Variants in CATSPERD observed in about 807,000 individuals in gnomAD.
The protein encoded by CATSPERD is cation channel sperm-associated auxiliary subunit delta.
Under a neutral mutation model 98.1 loss-of-function variants are expected in CATSPERD, and 86 were observed. The ratio of observed to expected loss-of-function variants is 0.88; its 90% CI spans 0.74 to 1.05. The LOEUF is 1.05. Among genes scored for constraint, CATSPERD ranks in the 50% least tolerant of loss-of-function variants. The pLI is 0.00. For synonymous variants in CATSPERD, 394 were observed against 390.2 expected (o/e 1.01, Z -0.12); for missense variants, 995 against 1,005.7 (o/e 0.99, Z 0.14).
chr19:5,736,867 C>T (rs1334068446), intron 5 of CATSPERD, among the ~76,000 whole-genome samples: 1 of 151,816 alleles, frequency 6.6e-6, no homozygotes, highest in Non-Finnish European at 1.5e-5. Context: ...ACCATCCTGG[C>T]TAACACAGTG....
At chr19:5,767,833 G>A (rs1008158647) in intron 17 of CATSPERD, among the ~76,000 whole-genome samples, 4 of 151,222 alleles carry the variant, frequency 2.6e-5, no homozygotes, top group Non-Finnish European at 4.4e-5. Context: ...GTCTTGCTCT[G>A]TCACCCAGGC....
At chr19:5,745,679 T>A (rs1047616449) in intron 8 of CATSPERD, among the ~76,000 whole-genome samples, 1 of 152,200 alleles carries the variant, frequency 6.6e-6, no homozygotes. Flanking sequence ...ATTTGACACT[T>A]AGAGTAATTC....
chr19:5,745,211 C>A (rs2056071159), intron 8 of CATSPERD, among the ~76,000 whole-genome samples: 1 of 152,016 alleles, frequency 6.6e-6, no homozygotes, highest in Admixed American at 6.6e-5. Flanking sequence ...GCGGCCTCCC[C>A]CAGTGCTGAG....
rs182413943 is a variant in CATSPERD, at chr19:5,732,552, C to T, written c.277-1304C>T. 2.2e-3 allele frequency among the ~76,000 whole-genome samples: 334 copies of T among 151,688 alleles called. 3 individuals carry two copies. The highest frequency in any genetic ancestry group is 7.8e-3 in the African/African-American group (324 of 41,322). On this transcript the variant is annotated intron_variant, in intron 4 of 21. Coordinates refer to ENST00000381624, the MANE Select transcript of CATSPERD (RefSeq NM_152784.4). Reference sequence around the variant, plus strand: ...AGTTCACACCATTCTCCTCCCTCAGCCTCCCGAGTAGCTGGGACTACAGGC... The same window carrying T: ...AGTTCACACCATTCTCCTCCCTCAGTCTCCCGAGTAGCTGGGACTACAGGC...
chr19:5,732,085 C>T (rs1366674788), intron 4 of CATSPERD, among the ~76,000 whole-genome samples: 2 of 151,916 alleles, frequency 1.3e-5, no homozygotes, highest in African/African-American at 4.8e-5. Context: ...ATTCTCCTGC[C>T]TCAGCCTCCT....
At chr19:5,753,626 T>C in intron 12 of CATSPERD, 2 of 391,004 alleles carry the variant, frequency 5.1e-6, no homozygotes, top group Non-Finnish European at 1.0e-5. Flanking sequence ...CTCAAGCACT[T>C]TGGGAGGCCG....
intron 5 of CATSPERD, among the ~76,000 whole-genome samples, chr19:5,736,796 G>C (rs916857039): frequency 3.3e-5 from 5 of 151,862 alleles, no homozygotes; most frequent in African/African-American, 7.3e-5. Context: ...GGTGGCTCAC[G>C]CCTGTAATCC....
intron 19 of CATSPERD, among the ~76,000 whole-genome samples, 185 bp downstream of exon 19, chr19:5,771,257 T>C (rs2056639217): frequency 6.6e-6 from 1 of 152,184 alleles, no homozygotes; most frequent in Non-Finnish European, 1.5e-5. Flanking sequence ...GGAACACCTT[T>C]TCTTTTTTTG....
chr19:5,775,342 G>A (rs1034062779), intron 20 of CATSPERD: 2 of 465,902 alleles, frequency 4.3e-6, no homozygotes, highest in African/African-American at 4.0e-5. Flanking sequence ...TTATTGAGTA[G>A]AAACAGCAGG....
chr19:5,766,023 G>A lies in CATSPERD; in HGVS notation c.1507-80G>A. 12 of 1,046,428 alleles carry A rather than the reference G, an allele frequency of 1.1e-5. 1 individual carries two copies. In the South Asian group the frequency reaches 1.7e-4, roughly 14 times the overall value. 64.8% of individuals were successfully genotyped at this position (1,046,428 alleles called of 1,614,324 possible). ...TGGTTTCCAAACCATTCCCACAGGA[G>A]TGTGTCCCTGTATAGGGTTCACTGT... is the stretch of plus-strand genomic sequence containing the variant. On this transcript the variant is annotated intron_variant, in intron 16 of 21. Transcript: ENST00000381624.
At chr19:5,771,158 G>C (rs1003235375) in intron 19 of CATSPERD, 86 bp downstream of exon 19, 1 of 1,424,194 alleles carries the variant, frequency 7.0e-7, no homozygotes, top group Non-Finnish European at 9.5e-7. Context: ...TGGCCCTCCA[G>C]GCTCCCCTAG....
At chr19:5,737,315 C>T (rs2055867951) in intron 6 of CATSPERD, 110 bp downstream of exon 6, 1 of 675,890 alleles carries the variant, frequency 1.5e-6, no homozygotes, top group Non-Finnish European at 2.5e-6. Context: ...AATCCCAGCA[C>T]TTTGGGAGGC....
chr19:5,750,517 A>AGCACTTT (rs1269533624), intron 11 of CATSPERD, among the ~76,000 whole-genome samples: 2 of 148,040 alleles, frequency 1.4e-5, no homozygotes, highest in African/African-American at 5.0e-5. Flanking sequence ...CTGCAATCCC[A>AGCACTTT]GCACTTTGGT....
chr19:5,736,269 G>A (rs2055843590), intron 5 of CATSPERD, among the ~76,000 whole-genome samples: 1 of 152,038 alleles, frequency 6.6e-6, no homozygotes, highest in South Asian at 2.1e-4. Context: ...AGACATTTTT[G>A]GTGTCAAGAC....
chr19:5,750,734 CA>C (rs890922314), intron 11 of CATSPERD, among the ~76,000 whole-genome samples: 2 of 150,754 alleles, frequency 1.3e-5, no homozygotes, highest in African/African-American at 2.4e-5. Context: ...GGCTCCATCT[CA>C]AAAAAAGAAA....
intron 13 of CATSPERD, 148 bp downstream of exon 13, chr19:5,754,393 C>CTTTTTTTTTTTT (rs749080620): frequency 8.7e-6 from 2 of 230,526 alleles, no homozygotes; most frequent in South Asian, 3.6e-5. Flanking sequence ...GTCTCTGTGT[C>CTTTTTTTTTTTT]TTTTTTTTTT....
chr19:5,764,481 A>G (rs1013811658), intron 16 of CATSPERD, among the ~76,000 whole-genome samples: 1 of 150,512 alleles, frequency 6.6e-6, no homozygotes, highest in Admixed American at 6.6e-5. Flanking sequence ...ATGCCTGGCT[A>G]ATTTTTTTTG....
chr19:5,738,648 A>G lies in CATSPERD; in HGVS notation c.460-678A>G, dbSNP rs531162447. ...ACCCAGGGTAGAGTGCAGTGGCGCA[A>G]TCTCGGCTCATTGCAACCTCCGCCT... On this transcript the variant is annotated intron_variant, in intron 6 of 21. Transcript: ENST00000381624. Among the ~76,000 whole-genome samples, 83 of 152,266 alleles carry G rather than the reference A, an allele frequency of 5.5e-4. No individual in the cohort carries two copies. In the South Asian group the frequency reaches 0.016, roughly 30 times the overall value.
intron 18 of CATSPERD, among the ~76,000 whole-genome samples, chr19:5,769,860 A>G (rs2485273): frequency 0.86 from 131,246 of 151,820 alleles, 56,834 homozygotes; most frequent in East Asian, 0.95. Context: ...AGGCCGAGAC[A>G]GGTGGATCAC....
Sources: allele counts gnomAD v4.1 joint callset (sites outside exome capture counted in the v4.1 genomes callset), GRCh38; gene constraint gnomAD v4.1.1; transcripts MANE v1.5; gene names NCBI Gene and HGNC (gene_info 2026-07-23, HGNC 2026-07-21).